The following DPP10 variants were observed in gnomAD, a reference collection of about 807,000 sequenced individuals.
DPP10 encodes the protein inactive dipeptidyl peptidase 10.
DPP10 carries 33 observed loss-of-function variants against 120.9 expected under a neutral mutation model. That is an observed-to-expected ratio of 0.27 (90% CI 0.21 to 0.37). The LOEUF is 0.37. Ranked by LOEUF, DPP10 falls within the 10% of genes least tolerant of loss-of-function variation. The pLI, the probability that DPP10 is intolerant of heterozygous loss-of-function variation, is 1.00. For synonymous variants in DPP10, 337 were observed against 326.1 expected, an observed-to-expected ratio of 1.03 and a Z score of -0.36; for missense variants, 816 against 942.8, an observed-to-expected ratio of 0.87 and a Z score of 1.76.
At chr2:114,851,093 T>G (rs1251386887) in intron 1 of DPP10, among the ~76,000 whole-genome samples, 1 of 152,142 alleles carries the variant, frequency 6.6e-6, no homozygotes, top group African/African-American at 2.4e-5. Flanking sequence ...TTTTCCTCAT[T>G]TTTTTATTAT....
At chr2:115,760,183 C>A (rs1425225274) in intron 11 of DPP10, among the ~76,000 whole-genome samples, 2 of 151,924 alleles carry the variant, frequency 1.3e-5, no homozygotes, top group African/African-American at 4.8e-5. Context: ...TGTCCACTAA[C>A]AGGAAATAGA....
At chr2:114,936,038 T>C (rs982057860) in intron 1 of DPP10, among the ~76,000 whole-genome samples, 8 of 152,092 alleles carry the variant, frequency 5.3e-5, no homozygotes, top group African/African-American at 1.4e-4. Flanking sequence ...AGTGTTTGGT[T>C]ACATGAATAA....
At chr2:115,208,485 C>A (rs2056305866) in intron 1 of DPP10, among the ~76,000 whole-genome samples, 1 of 152,134 alleles carries the variant, frequency 6.6e-6, no homozygotes, top group East Asian at 1.9e-4. Flanking sequence ...GGTCTCATAG[C>A]AGAAGAGAAA....
intron 1 of DPP10, among the ~76,000 whole-genome samples, chr2:114,750,479 G>A (rs901019569): frequency 6.6e-5 from 10 of 152,032 alleles, no homozygotes; most frequent in African/African-American, 2.2e-4. Flanking sequence ...GACCACAGGC[G>A]CCTGCCACCA....
intron 19 of DPP10, among the ~76,000 whole-genome samples, chr2:115,793,407 A>T (rs1684203872): frequency 6.6e-6 from 1 of 152,186 alleles, no homozygotes; most frequent in East Asian, 1.9e-4. Context: ...AATCATAAGC[A>T]GAATTATAAT....
chr2:115,560,499 A>G (rs2080573837), intron 5 of DPP10, among the ~76,000 whole-genome samples: 1 of 131,896 alleles, frequency 7.6e-6, no homozygotes, highest in African/African-American at 2.8e-5. Flanking sequence ...TATATTTACA[A>G]TCTTCAAAAA....
intron 5 of DPP10, among the ~76,000 whole-genome samples, chr2:115,599,933 G>T (rs12993265): frequency 6.6e-6 from 1 of 151,756 alleles, no homozygotes; most frequent in African/African-American, 2.4e-5. Context: ...TGGTCCCAGT[G>T]GTCAACCAGG....
intron 1 of DPP10, among the ~76,000 whole-genome samples, chr2:114,735,355 G>A (rs572951343): frequency 6.6e-6 from 1 of 152,072 alleles, no homozygotes; most frequent in Non-Finnish European, 1.5e-5. Flanking sequence ...TTGCAAAAAG[G>A]CAGGCGTGAA....
At chr2:115,251,936 G>A (rs1221910825) in intron 1 of DPP10, among the ~76,000 whole-genome samples, 1 of 152,148 alleles carries the variant, frequency 6.6e-6, no homozygotes, top group Admixed American at 6.5e-5. Flanking sequence ...CCACCTTCCA[G>A]TATCAGTAAA....
At chr2:115,535,337 C>G (rs1210581258) in intron 5 of DPP10, among the ~76,000 whole-genome samples, 2 of 150,794 alleles carry the variant, frequency 1.3e-5, no homozygotes, top group East Asian at 3.9e-4. Flanking sequence ...ATATGGCTAG[C>G]CAGTTTTCCC....
At chr2:114,689,874 GTCTTCT>G (rs1296042084) in intron 1 of DPP10, among the ~76,000 whole-genome samples, 4 of 151,812 alleles carry the variant, frequency 2.6e-5, no homozygotes, top group African/African-American at 9.7e-5. Flanking sequence ...CCGCGTGTAT[GTCTTCT>G]TTTGAGAAGT....
At chr2:115,155,270 C>G (rs1424896333) in intron 1 of DPP10, among the ~76,000 whole-genome samples, 1 of 152,072 alleles carries the variant, frequency 6.6e-6, no homozygotes, top group Non-Finnish European at 1.5e-5. Flanking sequence ...GAGATAGACA[C>G]TACAAAGAGT....
chr2:115,109,587 G>GTACA (rs1573646616), intron 1 of DPP10, among the ~76,000 whole-genome samples: 1 of 152,072 alleles, frequency 6.6e-6, no homozygotes, highest in Non-Finnish European at 1.5e-5. Context: ...TGATGGTGAC[G>GTACA]TACAAAGAAA....
intron 1 of DPP10, among the ~76,000 whole-genome samples, chr2:114,729,699 C>T (rs1209974960): frequency 1.3e-5 from 2 of 152,206 alleles, no homozygotes; most frequent in Non-Finnish European, 2.9e-5. Context: ...TGCTGGCTTA[C>T]ATCTGAGAAC....
At chr2:115,345,450 G>C (rs58283164) in intron 3 of DPP10, among the ~76,000 whole-genome samples, 1 of 152,050 alleles carries the variant, frequency 6.6e-6, no homozygotes, top group Admixed American at 6.6e-5. Context: ...ACAATCACCT[G>C]TTTACTCTTT....
At chr2:115,237,315 G>A (rs1398782155) in intron 1 of DPP10, among the ~76,000 whole-genome samples, 1 of 152,096 alleles carries the variant, frequency 6.6e-6, no homozygotes, top group African/African-American at 2.4e-5. Flanking sequence ...TTCTTTTGGA[G>A]TGCCATGAAC....
At chr2:115,165,674 GTCAA>G (rs1359013861) in intron 1 of DPP10, among the ~76,000 whole-genome samples, 10 of 152,004 alleles carry the variant, frequency 6.6e-5, no homozygotes, top group Admixed American at 4.6e-4. Context: ...ATTTTTAATG[GTCAA>G]TCAGACAAGG....
At chr2:114,746,531 G>T in intron 1 of DPP10, among the ~76,000 whole-genome samples, 1 of 152,208 alleles carries the variant, frequency 6.6e-6, no homozygotes. Context: ...GCCCATAGCT[G>T]CGGAATTCAG....
chr2:115,517,891 G>T (rs138050396), intron 4 of DPP10, among the ~76,000 whole-genome samples: 52 of 152,284 alleles, frequency 3.4e-4, no homozygotes, highest in Non-Finnish European at 4.9e-4. Context: ...TTACGTAAAA[G>T]ATGTTTATTT....
Sources: gnomAD v4.1 joint callset for allele counts (sites outside exome capture counted in the v4.1 genomes callset) on GRCh38, gnomAD v4.1.1 for gene constraint, MANE v1.5 for transcripts, NCBI Gene and HGNC (gene_info 2026-07-23, HGNC 2026-07-21) for gene names.